Variants in NAV2 observed in about 807,000 individuals in gnomAD.
NAV2 encodes the protein neuron navigator 2.
In NAV2, 54 loss-of-function variants were observed where a neutral mutation model predicts 223.2. The ratio of observed to expected loss-of-function variants is 0.24; its 90% CI spans 0.19 to 0.30. NAV2 has a LOEUF of 0.30. NAV2 is among the 10% of genes least tolerant of loss of function. The probability of loss-of-function intolerance (pLI) is 1.00; values close to 1 mark genes in which losing one functional copy is unlikely to be tolerated. For missense variants in NAV2, 2,806 were observed against 3,147.5 expected, an observed-to-expected ratio of 0.89 and a Z score of 2.60; for synonymous variants, 1,279 against 1,239.3, an observed-to-expected ratio of 1.03 and a Z score of -0.67.
chr11:20,042,352 C>T (rs541793611), intron 12 of NAV2, among the ~76,000 whole-genome samples: 61 of 152,290 alleles, frequency 4.0e-4, no homozygotes, highest in Admixed American at 1.1e-3. Flanking sequence ...CTCATTCATT[C>T]GCTCATCAAG....
At chr11:19,688,101 A>C (rs892489477) in intron 1 of NAV2, among the ~76,000 whole-genome samples, 1 of 152,130 alleles carries the variant, frequency 6.6e-6, no homozygotes, top group African/African-American at 2.4e-5. Context: ...ACACACCCCC[A>C]ATTTGGGGAA....
At chr11:19,714,094 G>A (rs2050074093) in intron 1 of NAV2, 132 bp downstream of exon 1, 2 of 1,331,658 alleles carry the variant, frequency 1.5e-6, no homozygotes, top group Admixed American at 2.1e-5. Context: ...ATTCCCCTTA[G>A]GCCGGCAGGT....
At chr11:19,638,027 G>A (rs1220368997) in intron 1 of NAV2, among the ~76,000 whole-genome samples, 1 of 152,112 alleles carries the variant, frequency 6.6e-6, no homozygotes, top group East Asian at 1.9e-4. Flanking sequence ...AAATACTCAG[G>A]GTAACCTTAG....
chr11:19,934,160 G>A lies in NAV2; in HGVS notation c.1916G>A (p.Ser639Asn). The change falls in exon 7 of 38, where the codon AGT (serine) becomes AAT (asparagine). Residue 639 changes from serine (S) to asparagine (N), a missense_variant. Transcript: ENST00000349880. ...CACAGCATCAGCAGCCAGACTGTCAGTGGGTCTGTCGGGACCACCCAGACC... is the reference window on the plus strand; with the variant it reads ...CACAGCATCAGCAGCCAGACTGTCAATGGGTCTGTCGGGACCACCCAGACC... ...LNHSISSQTVSGSVGTTQTTG... is the reference protein window; with the variant it reads ...LNHSISSQTVNGSVGTTQTTG... The A allele has an allele frequency of 6.2e-7, 1 of 1,614,064 alleles. No individual in the cohort carries two copies. Among genetic ancestry groups the A allele is most frequent in the South Asian group, 1.1e-5 (1 of 91,056 alleles).
In NAV2 at chr11:19,501,443, G is replaced by A. The variant is rs74931606; in HGVS notation, c.75+150416G>A. 9.4e-3 allele frequency among the ~76,000 whole-genome samples: 1,425 copies of A among 151,900 alleles called. 18 individuals are homozygous for A. The highest frequency in any genetic ancestry group is 0.031 in the African/African-American group (1,290 of 41,398). On this transcript the variant is annotated intron_variant, in intron 1 of 37. Transcript: ENST00000360655. ...ACCTTTCTTCTTCTTTTTCTTTCTG[G>A]TTGATGGTACAGTAGCTATAATTCC...
rs1296338825 is a variant in NAV2, at chr11:19,595,732, A to T, written c.76-236752A>T. 3.3e-5 allele frequency among the ~76,000 whole-genome samples: 5 copies of T among 151,656 alleles called. No homozygotes were observed. In the East Asian group the frequency reaches 5.8e-4, roughly 18 times the overall value. On this transcript the variant is annotated intron_variant, in intron 1 of 37. Transcript: ENST00000360655. Reference sequence around the variant, plus strand: ...ACCATGAAGGCTAATTAAAAAAAAAAAATTTTTTTTTTAGTGATGGGGTCT... The same window carrying T: ...ACCATGAAGGCTAATTAAAAAAAAATAATTTTTTTTTTAGTGATGGGGTCT...
rs776934280 is a variant in NAV2, at chr11:19,879,893, C to T, written c.536C>T (p.Ala179Val). Residue 179 changes from alanine to valine, a missense_variant, in exon 5 of 38, where the codon GCC becomes GTC. This residue lies in a region of NAV2 where 1,167 missense variants were observed against 1,180.5 expected (regional missense o/e 0.99). Transcript: ENST00000349880. ...AEEIRNGNLKAILGLFFSLSR... is the reference protein window; with the variant it reads ...AEEIRNGNLKVILGLFFSLSR... Reference sequence around the variant, plus strand: ...GAGATCAGGAATGGAAACCTCAAGGCCATTCTAGGCCTCTTCTTCAGCCTC... The same window carrying T: ...GAGATCAGGAATGGAAACCTCAAGGTCATTCTAGGCCTCTTCTTCAGCCTC... 6.2e-7 allele frequency: 1 copy of T among 1,613,878 alleles called. No individual in the cohort carries two copies. The highest frequency in any genetic ancestry group is 8.5e-7 in the Non-Finnish European group (1 of 1,180,018).
chr11:19,693,735 G>GA (rs2049250067), intron 1 of NAV2, among the ~76,000 whole-genome samples: 1 of 152,116 alleles, frequency 6.6e-6, no homozygotes, highest in Non-Finnish European at 1.5e-5. Context: ...CAGCCTAGTA[G>GA]AGCCCACACA....
intron 1 of NAV2, among the ~76,000 whole-genome samples, chr11:19,393,301 T>A (rs1373425259): frequency 1.3e-5 from 2 of 152,204 alleles, no homozygotes; most frequent in Non-Finnish European, 2.9e-5. Context: ...CTGATAAAGG[T>A]GCCAGACAGG....
In NAV2 at chr11:19,933,407, C is replaced by A. The variant is rs775502727; in HGVS notation, c.1163C>A (p.Pro388His). ...GGGCCTGAGGCCCCCAGGCCCACAC[C>A]TGAAGCCATGAAGCCGGCCCCCAAC... ...PPGPEAPRPT[P>H]EAMKPAPNNQ... Residue 388 changes from proline to histidine, a missense_variant, in exon 7 of 38, where the codon CCT (proline) becomes CAT (histidine). This residue lies in a region of NAV2 where 1,167 missense variants were observed against 1,180.5 expected (regional missense o/e 0.99). Coordinates refer to ENST00000349880, the MANE Select transcript of NAV2 (RefSeq NM_145117.5). The surrounding 1 kb of genome is among the most constrained non-coding windows in gnomAD (Gnocchi z 4.3). 9 of 1,582,794 alleles carry A rather than the reference C, an allele frequency of 5.7e-6. No individual in the cohort carries two copies. In the East Asian group the frequency reaches 1.1e-4, roughly 20 times the overall value.
In NAV2 at chr11:19,933,854, C is replaced by T; in HGVS notation, c.1610C>T (p.Ser537Phe). 1.9e-6 allele frequency: 3 copies of T among 1,605,418 alleles called. No individual in the cohort carries two copies. Among genetic ancestry groups the T allele is most frequent in the Non-Finnish European group, 2.5e-6 (3 of 1,177,290 alleles). The change falls in exon 7 of 38, where the codon TCC (serine) becomes TTC (phenylalanine). Residue 537 changes from serine (S) to phenylalanine (F), a missense_variant. Around this residue, in one of 4 missense-constraint regions of NAV2, gnomAD observed 1,167 missense variants for 1,180.5 expected, o/e 0.99. Coordinates refer to ENST00000349880, the MANE Select transcript of NAV2 (RefSeq NM_145117.5). This position sits in a 1 kb window ranked among gnomAD's most constrained non-coding sequence, Gnocchi z 4.3. ...AAVPEMPKKS[S>F]KIASFIPKGG... is the part of the protein sequence containing the mutation. ...GTGCCCGAGATGCCAAAAAAGTCCT[C>T]CAAGATTGCCAGCTTCATCCCCAAA...
At chr11:19,761,972 G>A (rs1370285320) in intron 1 of NAV2, among the ~76,000 whole-genome samples, 6 of 152,244 alleles carry the variant, frequency 3.9e-5, no homozygotes, top group African/African-American at 1.4e-4. Flanking sequence ...GCTGGGTGCA[G>A]TGGCTCACGC....
At chr11:20,009,982 T>C (rs1412567545) in intron 11 of NAV2, among the ~76,000 whole-genome samples, 1 of 151,648 alleles carries the variant, frequency 6.6e-6, no homozygotes. Flanking sequence ...AACTGTCTGC[T>C]ACTAGCCTGT....
intron 1 of NAV2, among the ~76,000 whole-genome samples, chr11:19,443,542 G>T (rs1851478350): frequency 6.6e-6 from 1 of 152,186 alleles, no homozygotes; most frequent in Non-Finnish European, 1.5e-5. Flanking sequence ...AGCAGCTTGT[G>T]GTAAAGCAGT....
At chr11:19,729,661 C>A (rs954920499) in intron 1 of NAV2, among the ~76,000 whole-genome samples, 1 of 152,116 alleles carries the variant, frequency 6.6e-6, no homozygotes, top group Admixed American at 6.5e-5. Context: ...CCAGAGTGGG[C>A]TAGCAGAAAG....
At chr11:19,920,010 C>T (rs113528053) in intron 6 of NAV2, among the ~76,000 whole-genome samples, 2,705 of 152,198 alleles carry the variant, frequency 0.018, 89 homozygotes, top group African/African-American at 0.063. Flanking sequence ...TAGCATGTAC[C>T]TGTGGTCCTA....
intron 1 of NAV2, among the ~76,000 whole-genome samples, chr11:19,613,404 C>A (rs969278951): frequency 1.3e-5 from 2 of 152,196 alleles, no homozygotes; most frequent in Non-Finnish European, 2.9e-5. Context: ...TCCCTACCAC[C>A]ACCACTGCAT....
At chr11:20,065,170 G>A (rs774147428) in intron 20 of NAV2, among the ~76,000 whole-genome samples, 6 of 152,144 alleles carry the variant, frequency 3.9e-5, no homozygotes, top group Non-Finnish European at 5.9e-5. Context: ...TACATTCTTC[G>A]TGATAATGAA....
intron 1 of NAV2, among the ~76,000 whole-genome samples, chr11:19,418,858 T>C (rs1419660686): frequency 6.6e-6 from 1 of 152,040 alleles, no homozygotes; most frequent in Non-Finnish European, 1.5e-5. Context: ...TAGGCTATAG[T>C]GGGAGTCCAG....
Sources: allele counts gnomAD v4.1 joint callset (sites outside exome capture counted in the v4.1 genomes callset), GRCh38; gene constraint gnomAD v4.1.1; regional missense constraint gnomAD v4.1.1; non-coding constraint Gnocchi (gnomAD v3.1); transcripts MANE v1.5; gene names NCBI Gene and HGNC (gene_info 2026-07-23, HGNC 2026-07-21).